PSMB7: variants seen among roughly 807,000 people sequenced by gnomAD.
PSMB7 encodes proteasome 20S subunit beta 7.
Under a neutral mutation model 28.1 loss-of-function variants are expected in PSMB7, and 5 were observed. The ratio of observed to expected loss-of-function variants is 0.18; its 90% CI spans 0.09 to 0.37. The LOEUF is 0.37. PSMB7 is among the 10% of genes least tolerant of loss of function. PSMB7 has a pLI of 1.00. For missense variants in PSMB7, 275 were observed against 346.2 expected (o/e 0.79, Z 1.63); for synonymous variants, 122 against 123.7 (o/e 0.99, Z 0.09).
intron 5 of PSMB7, among the ~76,000 whole-genome samples, chr9:124,404,683 C>T (rs1448968647): frequency 1.3e-5 from 2 of 152,056 alleles, no homozygotes; most frequent in Non-Finnish European, 2.9e-5. Context: ...GAAACCCCAT[C>T]TCTACTAAAA....
chr9:124,375,410 C>T (rs1020041427), intron 6 of PSMB7, among the ~76,000 whole-genome samples: 3 of 152,122 alleles, frequency 2.0e-5, no homozygotes, highest in African/African-American at 4.8e-5. Flanking sequence ...CCGATCCGCC[C>T]GTCTTGGCCT....
intron 6 of PSMB7, among the ~76,000 whole-genome samples, chr9:124,360,534 T>C (rs748734479): frequency 2.0e-5 from 3 of 152,270 alleles, no homozygotes; most frequent in Non-Finnish European, 2.9e-5. Context: ...GCATTTATGT[T>C]GCAGGTCACA....
intron 6 of PSMB7, among the ~76,000 whole-genome samples, chr9:124,369,199 CTATT>C (rs1830537978): frequency 6.6e-6 from 1 of 152,146 alleles, no homozygotes; most frequent in Non-Finnish European, 1.5e-5. Context: ...TTTAAAATAT[CTATT>C]TAGTACAACT....
chr9:124,353,850 T>C, intron 7 of PSMB7, 141 bp from the exon 8 acceptor site: 1 of 689,048 alleles, frequency 1.5e-6, no homozygotes. Flanking sequence ...AGCTCTGTGA[T>C]CTTGGGGGAT....
At chr9:124,402,238 T>C (rs1830917943) in intron 5 of PSMB7, among the ~76,000 whole-genome samples, 1 of 152,154 alleles carries the variant, frequency 6.6e-6, no homozygotes, top group Non-Finnish European at 1.5e-5. Flanking sequence ...AAATGAGACT[T>C]GGACAGACAG....
At chr9:124,387,073 T>C (rs914958368) in intron 5 of PSMB7, among the ~76,000 whole-genome samples, 24 of 152,212 alleles carry the variant, frequency 1.6e-4, no homozygotes, top group Non-Finnish European at 2.5e-4. Flanking sequence ...AGTGAAACCC[T>C]GTCTCTACTA....
intron 7 of PSMB7, among the ~76,000 whole-genome samples, chr9:124,355,533 AC>A (rs1387517251): frequency 5.9e-5 from 9 of 152,136 alleles, no homozygotes; most frequent in African/African-American, 2.2e-4. Flanking sequence ...TGCTCAAATC[AC>A]GCATCTTGCA....
Position 124,398,544 on chromosome 9 carries a change from C to CAT in PSMB7, c.511+6771_511+6772dup, listed in dbSNP as rs572070295. ...TAGTAAAATTGTGGAGATATATATG[C>CAT]ATATATATAGTTTAATTTCCTTTGC... On this transcript the variant is annotated intron_variant, in intron 5 of 7. Transcript: ENST00000259457. The CAT allele has an allele frequency of 1.8e-3, 481 of 261,898 alleles. 3 individuals carry two copies. Among genetic ancestry groups the CAT allele is most frequent in the African/African-American group, 0.011 (455 of 42,694 alleles). The allele number at this position is 261,898 out of a possible 1,614,324, so 16.2% of individuals were successfully genotyped here.
At chr9:124,380,758 A>C (rs148392860) in intron 6 of PSMB7, among the ~76,000 whole-genome samples, 46 of 152,286 alleles carry the variant, frequency 3.0e-4, no homozygotes, top group African/African-American at 1.1e-3. Flanking sequence ...TACACTCAAG[A>C]TCTGTGCACT....
At chr9:124,378,907 T>C (rs1010661348) in intron 6 of PSMB7, among the ~76,000 whole-genome samples, 3 of 152,220 alleles carry the variant, frequency 2.0e-5, no homozygotes, top group Non-Finnish European at 4.4e-5. Flanking sequence ...CCAGCATGGT[T>C]ATCACTAGTT....
At chr9:124,371,076 T>C (rs1830557995) in intron 6 of PSMB7, among the ~76,000 whole-genome samples, 2 of 152,226 alleles carry the variant, frequency 1.3e-5, no homozygotes, top group Non-Finnish European at 2.9e-5. Flanking sequence ...CTGTGAAATA[T>C]GCTGGATTAT....
At chr9:124,362,093 T>G (rs1270685800) in intron 6 of PSMB7, among the ~76,000 whole-genome samples, 1 of 152,250 alleles carries the variant, frequency 6.6e-6, no homozygotes, top group Non-Finnish European at 1.5e-5. Context: ...ATATTAAATA[T>G]GCACTTGACT....
chr9:124,363,276 A>G (rs1830479177), intron 6 of PSMB7, among the ~76,000 whole-genome samples: 1 of 152,212 alleles, frequency 6.6e-6, no homozygotes, highest in Admixed American at 6.5e-5. Context: ...AGGTCTGAAC[A>G]CGATGTGTTT....
At chr9:124,412,289 G>T in intron 4 of PSMB7, 63 bp downstream of exon 4, 2 of 1,508,294 alleles carry the variant, frequency 1.3e-6, no homozygotes, top group African/African-American at 1.4e-5. Context: ...GCTTCTCTTG[G>T]CTGAAAAAAA....
chr9:124,407,074 A>G (rs1442615934), intron 4 of PSMB7, among the ~76,000 whole-genome samples: 3 of 152,232 alleles, frequency 2.0e-5, no homozygotes, highest in African/African-American at 7.2e-5. Flanking sequence ...GCTGTGCTAG[A>G]TAAACATGCT....
Position 124,392,659 on chromosome 9 carries a change from T to C in PSMB7, c.512-8003A>G, listed in dbSNP as rs949000013. On this transcript the variant is annotated intron_variant, in intron 5 of 7. Transcript: ENST00000259457. ...CTCCTGGTCCTCCAGGCAGCTATTT[T>C]ATACAATCACTCTCAGCAAGTCCCA... 2.6e-5 allele frequency among the ~76,000 whole-genome samples: 4 copies of C among 152,360 alleles called. No homozygotes were observed. The South Asian group carries it at 8.3e-4, about 32-fold the overall frequency.
intron 5 of PSMB7, among the ~76,000 whole-genome samples, chr9:124,394,364 T>C (rs1434802689): frequency 6.6e-6 from 1 of 152,190 alleles, no homozygotes; most frequent in South Asian, 2.1e-4. Context: ...AAAGGCACTT[T>C]CCTTTAGCAG....
chr9:124,406,376 C>A (rs1588582532), intron 4 of PSMB7, among the ~76,000 whole-genome samples: 1 of 151,826 alleles, frequency 6.6e-6, no homozygotes, highest in Non-Finnish European at 1.5e-5. Flanking sequence ...GTGGCATGTA[C>A]CTGTAGTCCC....
At chr9:124,354,860 T>G (rs1830383346) in intron 7 of PSMB7, among the ~76,000 whole-genome samples, 1 of 152,144 alleles carries the variant, frequency 6.6e-6, no homozygotes, top group Non-Finnish European at 1.5e-5. Flanking sequence ...CCGGGAGGCT[T>G]GGACACACAA....
Sources: allele counts gnomAD v4.1 joint callset (sites outside exome capture counted in the v4.1 genomes callset), GRCh38; gene constraint gnomAD v4.1.1; transcripts MANE v1.5; gene names NCBI Gene and HGNC (gene_info 2026-07-23, HGNC 2026-07-21).